The following MCU variants were observed in gnomAD, a reference collection of about 807,000 sequenced individuals.
The protein encoded by MCU is mitochondrial calcium uniporter, also known as calcium uniporter protein, mitochondrial.
In MCU, 12 loss-of-function variants were observed where a neutral mutation model predicts 45.2. The ratio of observed to expected loss-of-function variants is 0.27; its 90% CI spans 0.17 to 0.43. The LOEUF (loss-of-function observed/expected upper bound fraction) is 0.43, where lower values mean the gene tolerates loss of function less well. MCU is among the 20% of genes least tolerant of loss of function. The probability of loss-of-function intolerance (pLI) is 1.00; values close to 1 mark genes in which losing one functional copy is unlikely to be tolerated. For synonymous variants in MCU, 160 were observed against 165.1 expected (o/e 0.97, Z 0.24); for missense variants, 324 against 436.7 (o/e 0.74, Z 2.30).
At chr10:72,863,447 T>C (rs1200982901) in intron 4 of MCU, among the ~76,000 whole-genome samples, 3 of 152,200 alleles carry the variant, frequency 2.0e-5, no homozygotes, top group African/African-American at 4.8e-5. Flanking sequence ...GGAGAAAGTA[T>C]AGAAAAGTAT....
intron 1 of MCU, among the ~76,000 whole-genome samples, chr10:72,815,222 T>C (rs1204397453): frequency 6.6e-6 from 1 of 152,234 alleles, no homozygotes; most frequent in African/African-American, 2.4e-5. Context: ...ATACACACTA[T>C]ATATGGCTGT....
At chr10:72,798,280 G>T (rs1292957429) in intron 1 of MCU, among the ~76,000 whole-genome samples, 1 of 152,070 alleles carries the variant, frequency 6.6e-6, no homozygotes, top group African/African-American at 2.4e-5. Context: ...AACATCCAAA[G>T]GTGCCCACTA....
chr10:72,703,801 C>T (rs918388225), intron 1 of MCU, among the ~76,000 whole-genome samples: 1 of 151,962 alleles, frequency 6.6e-6, no homozygotes, highest in South Asian at 2.1e-4. Flanking sequence ...GAGGCTGAGA[C>T]GTGAGAATTG....
At chr10:72,711,967 C>T (rs907121198) in intron 1 of MCU, among the ~76,000 whole-genome samples, 1 of 151,280 alleles carries the variant, frequency 6.6e-6, no homozygotes, top group African/African-American at 2.4e-5. Context: ...CTGCCTTGGC[C>T]CCCCAAAGTG....
At chr10:72,705,991 A>G (rs1014104804) in intron 1 of MCU, among the ~76,000 whole-genome samples, 1 of 152,096 alleles carries the variant, frequency 6.6e-6, no homozygotes, top group African/African-American at 2.4e-5. Flanking sequence ...TCAAAAAAAA[A>G]GGGGGTATAT....
At chr10:72,754,786 C>CA (rs763264298) in intron 1 of MCU, among the ~76,000 whole-genome samples, 29 of 152,150 alleles carry the variant, frequency 1.9e-4, no homozygotes, top group Admixed American at 8.5e-4. Flanking sequence ...GCCATGAGTG[C>CA]ATCACTGCAC....
intron 6 of MCU, among the ~76,000 whole-genome samples, chr10:72,872,182 A>G (rs999554228): frequency 6.6e-6 from 1 of 152,168 alleles, no homozygotes; most frequent in Non-Finnish European, 1.5e-5. Context: ...GTGTCTGTGC[A>G]TGTATACAAC....
rs140047396 is a variant in MCU, at chr10:72,855,966, A to G, written c.221-3211A>G. The stretch of plus-strand genomic sequence containing the variant: ...AAATAATCATAAAAGCTTTATTCAT[A>G]GTAGCCAAAACCTGGAAACAACCCA... On this transcript the variant is annotated intron_variant, in intron 2 of 7. Coordinates refer to ENST00000373053, the MANE Select transcript of MCU (RefSeq NM_138357.3). Among the ~76,000 whole-genome samples, 507 of 152,370 alleles carry G rather than the reference A, an allele frequency of 3.3e-3. 5 individuals are homozygous for G. Among genetic ancestry groups the G allele is most frequent in the African/African-American group, 0.012 (494 of 41,590 alleles).
intron 1 of MCU, chr10:72,766,828 T>C (rs1843734337): frequency 6.6e-6 from 1 of 152,196 alleles, no homozygotes; most frequent in Admixed American, 6.5e-5. Flanking sequence ...TTTAAATAAA[T>C]TTCATTTCCC....
At chr10:72,804,480 C>A (rs781699905) in intron 1 of MCU, among the ~76,000 whole-genome samples, 3 of 152,166 alleles carry the variant, frequency 2.0e-5, no homozygotes, top group Admixed American at 6.5e-5. Flanking sequence ...TGATACACTT[C>A]TATAATACTT....
At chr10:72,751,477 C>A (rs1042184509) in intron 1 of MCU, among the ~76,000 whole-genome samples, 4 of 149,116 alleles carry the variant, frequency 2.7e-5, no homozygotes, top group Non-Finnish European at 5.9e-5. Context: ...GCCTCAGCCT[C>A]CTGAGTAGCT....
chr10:72,749,965 A>G (rs1452515764), intron 1 of MCU, among the ~76,000 whole-genome samples: 2 of 146,960 alleles, frequency 1.4e-5, no homozygotes, highest in Admixed American at 6.8e-5. Context: ...TTTTCAGTAG[A>G]GGCAGGGTTT....
At chr10:72,778,538 G>T (rs187345510) in intron 1 of MCU, among the ~76,000 whole-genome samples, 1 of 152,114 alleles carries the variant, frequency 6.6e-6, no homozygotes, top group Admixed American at 6.6e-5. Context: ...GAGCCGGGGG[G>T]TGGGGTTTGG....
intron 1 of MCU, chr10:72,736,583 A>G (rs1255336820): frequency 6.6e-6 from 1 of 152,218 alleles, no homozygotes. Flanking sequence ...TATGTTTAGG[A>G]TAAATGTTGC....
intron 1 of MCU, among the ~76,000 whole-genome samples, chr10:72,811,572 T>G (rs1844544526): frequency 6.6e-6 from 1 of 152,202 alleles, no homozygotes; most frequent in Non-Finnish European, 1.5e-5. Flanking sequence ...TTGCTTTTCT[T>G]TCAATGACAT....
At position 72,868,432 on chromosome 10, in the gene MCU, G is replaced by A. The variant is rs1425423310; in HGVS notation, c.497-271G>A. ...GGCTTGTGGCCGGTGCACACCTGTA[G>A]TCCCAGCTACTTGGGAAGTTAACGT... On this transcript the variant is annotated intron_variant, in intron 4 of 7. Coordinates refer to ENST00000373053, the MANE Select transcript of MCU (RefSeq NM_138357.3). 2.0e-5 allele frequency among the ~76,000 whole-genome samples: 3 copies of A among 152,036 alleles called. No homozygotes were observed. The East Asian group carries it at 5.8e-4, about 29-fold the overall frequency.
At chr10:72,866,323 G>A (rs896362552) in intron 4 of MCU, among the ~76,000 whole-genome samples, 7 of 152,132 alleles carry the variant, frequency 4.6e-5, no homozygotes, top group Non-Finnish European at 7.3e-5. Context: ...GTGTTGCAAC[G>A]CTTTAGTGAA....
At chr10:72,692,417 G>C (rs1350168018) in intron 1 of MCU, 116 bp downstream of exon 1, 1 of 993,142 alleles carries the variant, frequency 1.0e-6, no homozygotes, top group Non-Finnish European at 1.2e-6. Flanking sequence ...CGGCCGCTCC[G>C]GAGGTTGCCG....
At chr10:72,821,861 C>T (rs1210826440) in intron 1 of MCU, among the ~76,000 whole-genome samples, 2 of 152,124 alleles carry the variant, frequency 1.3e-5, no homozygotes, top group African/African-American at 2.4e-5. Flanking sequence ...GGCCATAAAG[C>T]AAGTCCTAAT....
Sources: gnomAD v4.1 joint callset for allele counts (sites outside exome capture counted in the v4.1 genomes callset) on GRCh38, gnomAD v4.1.1 for gene constraint, MANE v1.5 for transcripts, NCBI Gene and HGNC (gene_info 2026-07-23, HGNC 2026-07-21) for gene names.